Variants in SPIDR observed in about 807,000 individuals in gnomAD.
SPIDR encodes the protein scaffold protein involved in DNA repair.
In SPIDR, 93 loss-of-function variants were observed where a neutral mutation model predicts 104.6. That is an observed-to-expected ratio of 0.89 (90% CI 0.75 to 1.06). The LOEUF (loss-of-function observed/expected upper bound fraction) is 1.06. Ranked by LOEUF, SPIDR falls within the 50% of genes least tolerant of loss-of-function variation. SPIDR has a pLI of 0.00. For missense variants in SPIDR, 1,154 were observed against 1,111.2 expected (o/e 1.04, Z -0.55); for synonymous variants, 431 against 416.9 (o/e 1.03, Z -0.41).
chr8:47,654,126 A>G, intron 10 of SPIDR: 1 of 1,289,858 alleles, frequency 7.8e-7, no homozygotes, highest in Non-Finnish European at 1.0e-6. Flanking sequence ...AGCCATTGGG[A>G]TACTCCCAAA....
chr8:47,331,965 CTTTTTTT>C (rs1183447584), intron 5 of SPIDR, among the ~76,000 whole-genome samples: 6 of 32,712 alleles, frequency 1.8e-4, no homozygotes, highest in East Asian at 1.3e-3. Flanking sequence ...TTTTTTTAAA[CTTTTTTT>C]TTTTTTTTTT....
chr8:47,385,208 A>G (rs1321875379), intron 5 of SPIDR, among the ~76,000 whole-genome samples: 1 of 152,204 alleles, frequency 6.6e-6, no homozygotes, highest in African/African-American at 2.4e-5. Flanking sequence ...TTCTGTGTAT[A>G]TAAGAATATC....
intron 7 of SPIDR, among the ~76,000 whole-genome samples, chr8:47,434,517 C>A (rs1554691061): frequency 1.3e-5 from 2 of 152,116 alleles, no homozygotes. Flanking sequence ...AGGAAAATTC[C>A]AAATTACCAT....
At chr8:47,658,312 G>T (rs925064015) in intron 10 of SPIDR, among the ~76,000 whole-genome samples, 1 of 151,878 alleles carries the variant, frequency 6.6e-6, no homozygotes, top group Non-Finnish European at 1.5e-5. Context: ...CAGCTACTCG[G>T]GAGGCTGAGG....
chr8:47,385,316 T>C (rs1347745572), intron 5 of SPIDR, among the ~76,000 whole-genome samples: 1 of 152,244 alleles, frequency 6.6e-6, no homozygotes, highest in Non-Finnish European at 1.5e-5. Flanking sequence ...TCAAGACTTA[T>C]GGATCTGTCA....
chr8:47,265,729 A>T (rs1368373474), intron 1 of SPIDR, among the ~76,000 whole-genome samples: 2 of 152,192 alleles, frequency 1.3e-5, no homozygotes, highest in African/African-American at 2.4e-5. Flanking sequence ...ATAACTGTAA[A>T]TTCACAGACA....
chr8:47,552,978 ATTTG>A lies in SPIDR; in HGVS notation c.1098-42827_1098-42824del, dbSNP rs554060729. 1.2e-3 allele frequency among the ~76,000 whole-genome samples: 185 copies of A among 152,180 alleles called. 1 individual carries two copies. The highest frequency in any genetic ancestry group is 2.5e-3 in the South Asian group (12 of 4,826). ...CTGGTGGTGACAAAAATCTCTCAAC[ATTTG>A]TTTGTCTGTAAAGGATTTTGTTTCT... On this transcript the variant is annotated intron_variant, in intron 8 of 19. Transcript: ENST00000297423.
At chr8:47,573,410 CAGGA>C (rs1452208409) in intron 8 of SPIDR, among the ~76,000 whole-genome samples, 1 of 152,216 alleles carries the variant, frequency 6.6e-6, no homozygotes, top group Non-Finnish European at 1.5e-5. Context: ...TGTGATAAGG[CAGGA>C]AGGTCAGAGT....
At chr8:47,275,479 C>G (rs2036234212) in intron 1 of SPIDR, among the ~76,000 whole-genome samples, 1 of 151,814 alleles carries the variant, frequency 6.6e-6, no homozygotes, top group Non-Finnish European at 1.5e-5. Context: ...ATAATATTTT[C>G]CATTCTGATA....
chr8:47,358,288 A>G (rs926603540), intron 5 of SPIDR, among the ~76,000 whole-genome samples: 4 of 151,994 alleles, frequency 2.6e-5, no homozygotes, highest in Non-Finnish European at 4.4e-5. Context: ...GAGTTTCACT[A>G]TGTTGCCCCA....
At chr8:47,505,364 G>A (rs1016716587) in intron 8 of SPIDR, among the ~76,000 whole-genome samples, 7 of 152,184 alleles carry the variant, frequency 4.6e-5, no homozygotes, top group East Asian at 1.9e-4. Flanking sequence ...CCTCGCTGCC[G>A]CCTTGCAGCT....
intron 8 of SPIDR, among the ~76,000 whole-genome samples, chr8:47,550,213 T>C (rs567633425): frequency 6.6e-6 from 1 of 152,310 alleles, no homozygotes; most frequent in Admixed American, 6.5e-5. Context: ...ACCTCCAGCT[T>C]TGGTGATTTT....
rs534363215 is a variant in SPIDR at position 47,353,603 on chromosome 8, A to G, written c.526-42773A>G. 5.9e-5 allele frequency among the ~76,000 whole-genome samples: 9 copies of G among 152,292 alleles called. No homozygotes were observed. The South Asian group carries it at 1.4e-3, about 25-fold the overall frequency. On this transcript the variant is annotated intron_variant, in intron 5 of 19. Coordinates refer to ENST00000297423, the MANE Select transcript of SPIDR (RefSeq NM_001080394.4). ...AAAGTGACCAAAATGGCATGAGGGTAAAAATGTTACCTGAATTAAATATGT... is the reference window on the plus strand; with the variant it reads ...AAAGTGACCAAAATGGCATGAGGGTGAAAATGTTACCTGAATTAAATATGT...
At chr8:47,556,213 A>C (rs2091303773) in intron 8 of SPIDR, among the ~76,000 whole-genome samples, 1 of 152,232 alleles carries the variant, frequency 6.6e-6, no homozygotes, top group African/African-American at 2.4e-5. Flanking sequence ...ATCTGAAGAT[A>C]GCTGGCTGAT....
intron 5 of SPIDR, among the ~76,000 whole-genome samples, chr8:47,386,960 TATAG>T (rs2060021681): frequency 1.3e-5 from 2 of 151,376 alleles, no homozygotes; most frequent in Admixed American, 6.6e-5. Flanking sequence ...TAGATATAGA[TATAG>T]ATACAGATAT....
chr8:47,345,238 G>GT (rs1164821900), intron 5 of SPIDR, among the ~76,000 whole-genome samples: 1 of 152,126 alleles, frequency 6.6e-6, no homozygotes. Flanking sequence ...CCCATTTCTT[G>GT]TTTTTGTCAG....
intron 5 of SPIDR, among the ~76,000 whole-genome samples, chr8:47,303,555 C>T (rs1359721959): frequency 1.3e-5 from 2 of 152,238 alleles, no homozygotes; most frequent in South Asian, 2.1e-4. Context: ...GAGCTGTAGA[C>T]TGGAGCTGTT....
At chr8:47,622,850 A>G (rs1246321381) in intron 10 of SPIDR, among the ~76,000 whole-genome samples, 1 of 152,162 alleles carries the variant, frequency 6.6e-6, no homozygotes, top group Non-Finnish European at 1.5e-5. Flanking sequence ...GAAATTATCC[A>G]GGCACCCTCT....
chr8:47,568,784 A>G (rs1160789376), intron 8 of SPIDR, among the ~76,000 whole-genome samples: 2 of 152,222 alleles, frequency 1.3e-5, no homozygotes, highest in African/African-American at 4.8e-5. Flanking sequence ...CATGAGCTCA[A>G]TGTACTCCAA....
Sources: allele counts gnomAD v4.1 joint callset (sites outside exome capture counted in the v4.1 genomes callset), GRCh38; gene constraint gnomAD v4.1.1; transcripts MANE v1.5; gene names NCBI Gene and HGNC (gene_info 2026-07-23, HGNC 2026-07-21).